Variants in GALNT13 observed in about 807,000 individuals in gnomAD.
GALNT13 encodes UDP-GalNAc:polypeptide N-acetylgalactosaminyltransferase 13.
GALNT13 carries 28 observed loss-of-function variants against 64.2 expected under a neutral mutation model. That is an observed-to-expected ratio of 0.44 (90% CI 0.32 to 0.60). The LOEUF (loss-of-function observed/expected upper bound fraction) is 0.60, where lower values mean the gene tolerates loss of function less well. Ranked by LOEUF, GALNT13 falls within the 20% of genes least tolerant of loss-of-function variation. The pLI is 0.05. For missense variants in GALNT13, 577 were observed against 669.8 expected, an observed-to-expected ratio of 0.86 and a Z score of 1.53; for synonymous variants, 214 against 224.6, an observed-to-expected ratio of 0.95 and a Z score of 0.42.
At chr2:153,362,081 A>G in the GALNT13 span, among the ~76,000 whole-genome samples, 7 of 152,170 alleles carry the variant, frequency 4.6e-5, no homozygotes, top group Non-Finnish European at 8.8e-5. Context: ...AATCTTAAAG[A>G]AAAGAATTTT....
chr2:153,850,136 G>A, the GALNT13 span, among the ~76,000 whole-genome samples: 1 of 150,060 alleles, frequency 6.7e-6, no homozygotes, highest in African/African-American at 2.5e-5. Context: ...CCGAGACCGC[G>A]CCACTGCACT....
chr2:153,571,162 A>G, the GALNT13 span, among the ~76,000 whole-genome samples: 1 of 151,816 alleles, frequency 6.6e-6, no homozygotes, highest in Non-Finnish European at 1.5e-5. Flanking sequence ...TTAATTGTAG[A>G]GGTCTTTTAT....
intron 4 of GALNT13, among the ~76,000 whole-genome samples, chr2:154,180,684 C>G (rs921204921): frequency 6.6e-6 from 1 of 151,806 alleles, no homozygotes; most frequent in East Asian, 1.9e-4. Flanking sequence ...AATTAAAGTC[C>G]CTATAGGGGT....
chr2:154,375,657 C>T (rs148534719), intron 9 of GALNT13, among the ~76,000 whole-genome samples: 4 of 152,130 alleles, frequency 2.6e-5, no homozygotes, highest in African/African-American at 9.6e-5. Flanking sequence ...TTCTCATTCA[C>T]CTCATGGGGG....
intron 8 of GALNT13, among the ~76,000 whole-genome samples, chr2:154,299,439 A>T (rs1453064538): frequency 6.6e-6 from 1 of 151,252 alleles, no homozygotes; most frequent in Non-Finnish European, 1.5e-5. Context: ...TGAGGAAGTT[A>T]TCAATCAATG....
chr2:153,347,664 T>C, the GALNT13 span, among the ~76,000 whole-genome samples: 1 of 152,138 alleles, frequency 6.6e-6, no homozygotes, highest in South Asian at 2.1e-4. Context: ...GGTAATTTAG[T>C]AGAGGAAATA....
chr2:154,054,949 T>A (rs1699824761), intron 3 of GALNT13, among the ~76,000 whole-genome samples: 1 of 152,026 alleles, frequency 6.6e-6, no homozygotes, highest in Non-Finnish European at 1.5e-5. Flanking sequence ...CTAATTATGT[T>A]GATAAAATAA....
At chr2:154,054,074 T>C (rs1699779336) in intron 3 of GALNT13, among the ~76,000 whole-genome samples, 2 of 152,108 alleles carry the variant, frequency 1.3e-5, no homozygotes, top group South Asian at 4.1e-4. Flanking sequence ...TGCTTTTACC[T>C]TCTGCATATA....
chr2:154,402,205 A>G lies in GALNT13; in HGVS notation c.1296+6075A>G, dbSNP rs543564588. Among the ~76,000 whole-genome samples the G allele has an allele frequency of 5.9e-5, 9 of 152,258 alleles. No homozygotes were observed. The South Asian group carries it at 1.5e-3, about 25-fold the overall frequency. ...TTAGACTGTCTTATCTTTAGAATGG[A>G]TTTTCTATGAGTTTTTAAAACGGAA... On this transcript the variant is annotated intron_variant, in intron 10 of 12. Transcript: ENST00000392825.
chr2:153,588,447 G>C, the GALNT13 span, among the ~76,000 whole-genome samples: 2 of 152,108 alleles, frequency 1.3e-5, no homozygotes, highest in South Asian at 4.1e-4. Context: ...TTTAACTTCT[G>C]GGCACTCACA....
chr2:153,277,919 TTTTCTTTC>T, the GALNT13 span, among the ~76,000 whole-genome samples: 4 of 68,664 alleles, frequency 5.8e-5, no homozygotes, highest in Non-Finnish European at 1.2e-4. Context: ...TTTTGTTTTC[TTTTCTTTC>T]TTTTTTTTTT....
chr2:154,171,249 A>G (rs984390540), intron 4 of GALNT13, among the ~76,000 whole-genome samples: 1 of 152,088 alleles, frequency 6.6e-6, no homozygotes, highest in Non-Finnish European at 1.5e-5. Flanking sequence ...TCAAATAATA[A>G]AATTCTTATT....
intron 2 of GALNT13, among the ~76,000 whole-genome samples, chr2:153,909,282 T>C (rs1688787404): frequency 6.6e-6 from 1 of 152,142 alleles, no homozygotes; most frequent in South Asian, 2.1e-4. Flanking sequence ...TTTTGTACAT[T>C]GACTTTTTAT....
intron 8 of GALNT13, among the ~76,000 whole-genome samples, chr2:154,277,481 A>G (rs1381745551): frequency 1.3e-5 from 2 of 152,210 alleles, no homozygotes; most frequent in East Asian, 1.9e-4. Context: ...TCTTCATTAC[A>G]TGACTACCAA....
chr2:153,889,296 C>A (rs1000656602), intron 1 of GALNT13, among the ~76,000 whole-genome samples: 1 of 151,702 alleles, frequency 6.6e-6, no homozygotes, highest in East Asian at 1.9e-4. Context: ...TTAAATTTTG[C>A]CAGGTGGATT....
chr2:154,192,788 T>C (rs896736846), intron 4 of GALNT13, among the ~76,000 whole-genome samples: 3 of 152,220 alleles, frequency 2.0e-5, no homozygotes, highest in Non-Finnish European at 4.4e-5. Context: ...TTAAGGTTGT[T>C]ATCTTGTGAT....
At chr2:154,016,510 C>T (rs1400815569) in intron 3 of GALNT13, among the ~76,000 whole-genome samples, 3 of 152,118 alleles carry the variant, frequency 2.0e-5, no homozygotes, top group African/African-American at 7.2e-5. Flanking sequence ...TTCCGCCTCC[C>T]TGGTTCAAGT....
chr2:153,151,504 C>T, the GALNT13 span, among the ~76,000 whole-genome samples: 1 of 152,148 alleles, frequency 6.6e-6, no homozygotes, highest in Non-Finnish European at 1.5e-5. Context: ...GATTATAAAT[C>T]ATGCTGCTAT....
chr2:154,213,710 A>G (rs1183705059), intron 4 of GALNT13, among the ~76,000 whole-genome samples: 1 of 152,068 alleles, frequency 6.6e-6, no homozygotes, highest in Admixed American at 6.6e-5. Context: ...CTTGGAAGCC[A>G]TTTTTCTGAA....
Sources: gnomAD v4.1 joint callset for allele counts (sites outside exome capture counted in the v4.1 genomes callset) on GRCh38, gnomAD v4.1.1 for gene constraint, MANE v1.5 for transcripts, NCBI Gene and HGNC (gene_info 2026-07-23, HGNC 2026-07-21) for gene names.